Variants in ZNF28 observed in about 807,000 individuals in gnomAD.
ZNF28 encodes zinc finger protein 28.
In ZNF28, 5 loss-of-function variants were observed where a neutral mutation model predicts 7.2. The observed-to-expected ratio is 0.70, with a 90% CI of 0.36 to 1.46. ZNF28 has a LOEUF of 1.46. Ranked by LOEUF, ZNF28 falls within the 40% of genes most tolerant of loss-of-function variation. ZNF28 has a pLI of 0.03. For missense variants in ZNF28, 879 were observed against 866.6 expected (o/e 1.01, Z -0.18); for synonymous variants, 288 against 292.4 (o/e 0.99, Z 0.15).
intron 1 of ZNF28, among the ~76,000 whole-genome samples, chr19:52,820,142 G>T (rs1318184411): frequency 8.0e-5 from 7 of 87,554 alleles, no homozygotes; most frequent in Non-Finnish European, 1.1e-4. Context: ...ACGGAGTCTC[G>T]CTCTGTCGTC....
chr19:52,818,256 C>A (rs1049286085), intron 1 of ZNF28, among the ~76,000 whole-genome samples: 2 of 152,146 alleles, frequency 1.3e-5, no homozygotes, highest in African/African-American at 4.8e-5. Context: ...AGCTCCCCTT[C>A]AGGAAATCTC....
intron 1 of ZNF28, among the ~76,000 whole-genome samples, chr19:52,820,259 A>G (rs1421863686): frequency 2.9e-5 from 4 of 137,946 alleles, no homozygotes; most frequent in Non-Finnish European, 6.1e-5. Flanking sequence ...CTGGGACTAC[A>G]GGCGCCCGCC....
At chr19:52,810,246 C>A (rs1306795472) in intron 2 of ZNF28, 10 of 1,258,950 alleles carry the variant, frequency 7.9e-6, no homozygotes, top group African/African-American at 1.5e-5. Context: ...TATGAGTCTA[C>A]CTCCAGGCAA....
intron 3 of ZNF28, among the ~76,000 whole-genome samples, chr19:52,804,940 C>A (rs1178644850): frequency 6.6e-6 from 1 of 152,156 alleles, no homozygotes; most frequent in East Asian, 1.9e-4. Flanking sequence ...ACTTGCAATA[C>A]TTGAAGCCAT....
rs57570517 is a variant in ZNF28, at chr19:52,810,845, C to A, written c.16-2712G>T. The A allele has an allele frequency of 6.3e-5, 8 of 126,376 alleles. No homozygotes were observed. In the African/African-American group the frequency reaches 6.5e-4, roughly 10 times the overall value. 7.8% of individuals were successfully genotyped at this position (126,376 alleles called of 1,614,324 possible). On this transcript the variant is annotated intron_variant, in intron 2 of 3. Coordinates refer to ENST00000457749, the MANE Select transcript of ZNF28 (RefSeq NM_006969.5). ...ATATATTTTTAAAAAAAGAGTCCCT[C>A]TCCCTCTCCCTCTCCCCCTCCCCCT...
intron 2 of ZNF28, among the ~76,000 whole-genome samples, chr19:52,811,224 C>G (rs974980225): frequency 2.0e-4 from 30 of 151,342 alleles, no homozygotes; most frequent in African/African-American, 6.8e-4. Flanking sequence ...AGTGCAGCGG[C>G]GTGATCTCGG....
At chr19:52,807,811 C>A (rs746662458) in intron 3 of ZNF28, 196 bp downstream of exon 3, 28 of 960,110 alleles carry the variant, frequency 2.9e-5, no homozygotes, top group Non-Finnish European at 4.2e-5. Flanking sequence ...CTTCTGGAAG[C>A]TCCACTGAGC....
At position 52,801,221 on chromosome 19, in the gene ZNF28, T is replaced by C. The variant is rs372999948; in HGVS notation, c.624A>G (p.Val208=). The change falls in exon 4 of 4, where the codon GTA becomes GTG. Residue 208 remains valine (V), a synonymous_variant. Transcript: ENST00000457749. ...HSSLLTQKRN[V]HMREKSFQCI... is the part of the protein sequence containing the mutation. ...ATTGGAAAGATTTTTCTCTCATGTG[T>C]ACATTCCGTTTTTGTGTGAGTAATG... 3.1e-6 allele frequency: 5 copies of C among 1,614,042 alleles called. No homozygotes were observed. The African/African-American group carries it at 6.7e-5, about 22-fold the overall frequency.
chr19:52,817,806 G>T, intron 2 of ZNF28, 138 bp downstream of exon 2: 1 of 1,541,300 alleles, frequency 6.5e-7, no homozygotes. Flanking sequence ...GAGATGAGAT[G>T]AACTGAAGGA....
At position 52,817,994 on chromosome 19, in the gene ZNF28, T is replaced by C; in HGVS notation, c.-36A>G. ...TTTGCTTTCCTCTTCCTCTTCTGGG[T>C]TTCTTCCTCACGTACCAAGATTCTT... On this transcript the variant is annotated 5_prime_UTR_variant, in exon 2 of 4. Coordinates refer to ENST00000457749, the MANE Select transcript of ZNF28 (RefSeq NM_006969.5). 1 of 1,610,468 alleles carries C rather than the reference T, an allele frequency of 6.2e-7. No individual in the cohort carries two copies. The highest frequency in any genetic ancestry group is 8.5e-7 in the Non-Finnish European group (1 of 1,179,716).
At chr19:52,818,461 C>T (rs527384436) in intron 1 of ZNF28, among the ~76,000 whole-genome samples, 73 of 152,164 alleles carry the variant, frequency 4.8e-4, no homozygotes, top group African/African-American at 1.7e-3. Context: ...GCCTGTAATA[C>T]CAACACTCTG....
In ZNF28 at chr19:52,801,555, A is replaced by T. The variant is rs775092491; in HGVS notation, c.290T>A (p.Phe97Tyr). The T allele has an allele frequency of 1.2e-6, 2 of 1,614,126 alleles. No homozygotes were observed. The highest frequency in any genetic ancestry group is 1.7e-6 in the Non-Finnish European group (2 of 1,180,008). ...FQKIEKDIHG[F>Y]QFQWKEDETN... is the part of the protein sequence containing the mutation. ...TTCATCTTCTTTCCACTGAAACTGG[A>T]AGCCATGAATGTCTTTCTCAATTTT... Residue 97 changes from phenylalanine (F) to tyrosine (Y), a missense_variant, in exon 4 of 4, where the codon TTC (phenylalanine) becomes TAC (tyrosine). Around this residue, in one of 2 missense-constraint regions of ZNF28, gnomAD observed 864 missense variants for 830.2 expected, o/e 1.04. Transcript: ENST00000457749.
At chr19:52,820,622 T>C (rs1864065034) in intron 1 of ZNF28, among the ~76,000 whole-genome samples, 3 of 152,032 alleles carry the variant, frequency 2.0e-5, no homozygotes, top group Admixed American at 1.3e-4. Context: ...CCAGCACCAC[T>C]CTGCTCTGTC....
intron 1 of ZNF28, 67 bp from the exon 2 acceptor site, chr19:52,818,098 A>C: frequency 7.0e-7 from 1 of 1,432,394 alleles, no homozygotes; most frequent in Non-Finnish European, 9.5e-7. Context: ...ACACAACAAC[A>C]CATACAAAGG....
At chr19:52,808,502 T>A (rs1469652498) in intron 2 of ZNF28, among the ~76,000 whole-genome samples, 1 of 152,040 alleles carries the variant, frequency 6.6e-6, no homozygotes, top group East Asian at 1.9e-4. Context: ...CTGGGCACAG[T>A]GACACATGTC....
intron 3 of ZNF28, among the ~76,000 whole-genome samples, chr19:52,807,365 G>A (rs2062950024): frequency 6.6e-6 from 1 of 152,224 alleles, no homozygotes; most frequent in Non-Finnish European, 1.5e-5. Context: ...GGGGAGCACT[G>A]TAATATGTAG....
intron 1 of ZNF28, among the ~76,000 whole-genome samples, chr19:52,819,114 T>C (rs1219715449): frequency 7.2e-6 from 1 of 139,128 alleles, no homozygotes; most frequent in Non-Finnish European, 1.5e-5. Context: ...ATTTTGATGT[T>C]TGAAAAAAGA....
intron 1 of ZNF28, among the ~76,000 whole-genome samples, 197 bp downstream of exon 1, chr19:52,821,389 C>G (rs578146375): frequency 0.015 from 2,309 of 152,160 alleles, 57 homozygotes; most frequent in African/African-American, 0.052. Context: ...CAGAAAGACC[C>G]GGGACGGGAC....
intron 3 of ZNF28, 139 bp downstream of exon 3, chr19:52,807,868 C>A: frequency 7.4e-7 from 1 of 1,355,308 alleles, no homozygotes; most frequent in Non-Finnish European, 1.0e-6. Flanking sequence ...CAGTGAAAGT[C>A]CAGATGCTAC....
Sources: allele counts gnomAD v4.1 joint callset (sites outside exome capture counted in the v4.1 genomes callset), GRCh38; gene constraint gnomAD v4.1.1; regional missense constraint gnomAD v4.1.1; transcripts MANE v1.5; gene names NCBI Gene and HGNC (gene_info 2026-07-23, HGNC 2026-07-21).